HMGCLL1: variants seen among roughly 807,000 people sequenced by gnomAD.
HMGCLL1 encodes the protein 3-hydroxy-3-methylglutaryl-CoA lyase like 1.
Under a neutral mutation model 39.1 loss-of-function variants are expected in HMGCLL1, and 36 were observed. The observed-to-expected ratio is 0.92, with a 90% confidence interval of 0.71 to 1.22. The LOEUF (loss-of-function observed/expected upper bound fraction) is 1.22, where lower values mean the gene tolerates loss of function less well. HMGCLL1 is among the 50% of genes most tolerant of loss of function. HMGCLL1 has a pLI of 0.00. For missense variants in HMGCLL1, 451 were observed against 416.5 expected (o/e 1.08, Z -0.72); for synonymous variants, 149 against 144.0 (o/e 1.03, Z -0.25).
intron 1 of HMGCLL1, among the ~76,000 whole-genome samples, chr6:55,543,461 CAT>C (rs370118362): frequency 0.012 from 1,136 of 91,072 alleles, 45 homozygotes; most frequent in African/African-American, 0.045. Flanking sequence ...TGATATATAT[CAT>C]ATATATCATA....
the HMGCLL1 span, among the ~76,000 whole-genome samples, chr6:55,588,961 G>A: frequency 1.4e-5 from 2 of 147,750 alleles, no homozygotes; most frequent in Admixed American, 6.8e-5. Context: ...ATTCACAGCC[G>A]AATTCTACCA....
chr6:55,438,214 G>T (rs559780420), intron 8 of HMGCLL1, among the ~76,000 whole-genome samples: 9 of 152,042 alleles, frequency 5.9e-5, no homozygotes, highest in Non-Finnish European at 1.2e-4. Flanking sequence ...CGATGTAAAT[G>T]AAATAACATT....
intron 3 of HMGCLL1, among the ~76,000 whole-genome samples, chr6:55,520,263 A>AATAT (rs1428052291): frequency 6.7e-6 from 1 of 150,252 alleles, no homozygotes; most frequent in Non-Finnish European, 1.5e-5. Context: ...TAAATAAATA[A>AATAT]ATAAATAAAT....
At chr6:55,543,497 CAT>C (rs376476248) in intron 1 of HMGCLL1, among the ~76,000 whole-genome samples, 2,577 of 14,680 alleles carry the variant, frequency 0.18, 95 homozygotes, top group African/African-American at 0.2. Context: ...TGATATATAT[CAT>C]ATATATCATA....
intron 5 of HMGCLL1, among the ~76,000 whole-genome samples, chr6:55,501,678 T>C (rs1413619984): frequency 6.6e-6 from 1 of 151,894 alleles, no homozygotes; most frequent in Non-Finnish European, 1.5e-5. Flanking sequence ...ATGCTTAGGA[T>C]ATGTTCCAAA....
In HMGCLL1 at chr6:55,542,863, ATATATTTT is replaced by A. The variant is rs1218447319; in HGVS notation, c.109-731_109-724del. 1.1e-4 allele frequency among the ~76,000 whole-genome samples: 15 copies of A among 136,518 alleles called. 1 individual carries two copies. The highest frequency in any genetic ancestry group is 3.0e-4 in the African/African-American group (11 of 36,646). 89.6% of individuals were successfully genotyped at this position (136,518 alleles called of 152,430 possible). On this transcript the variant is annotated intron_variant, in intron 1 of 8. Coordinates refer to ENST00000274901, the MANE Select transcript of HMGCLL1 (RefSeq NM_001042406.2). ...ATTATATATAAATATATATATATTTATATATTTTTATATTTTTATATATTTATATATTT... is the reference window on the plus strand; with the variant it reads ...ATTATATATAAATATATATATATTTATATATTTTTATATATTTATATATTT...
At chr6:55,467,534 T>G (rs1174392004) in intron 7 of HMGCLL1, among the ~76,000 whole-genome samples, 1 of 152,028 alleles carries the variant, frequency 6.6e-6, no homozygotes, top group Non-Finnish European at 1.5e-5. Flanking sequence ...CTTCTGAATT[T>G]TAAATCACTT....
the HMGCLL1 span, among the ~76,000 whole-genome samples, chr6:55,611,095 G>A: frequency 2.6e-5 from 4 of 152,076 alleles, no homozygotes; most frequent in African/African-American, 9.7e-5. Context: ...TAAAACTCAA[G>A]ATTAAGAAAC....
chr6:55,494,032 C>T (rs923985889), intron 7 of HMGCLL1, among the ~76,000 whole-genome samples: 10 of 152,198 alleles, frequency 6.6e-5, no homozygotes, highest in African/African-American at 2.4e-4. Flanking sequence ...GCCACCGCGC[C>T]TGGCCCCTTC....
chr6:55,642,420 A>G, the HMGCLL1 span, among the ~76,000 whole-genome samples: 27 of 152,122 alleles, frequency 1.8e-4, no homozygotes, highest in African/African-American at 6.3e-4. Flanking sequence ...AATAATATAA[A>G]ATTATGAGTC....
At chr6:55,469,442 C>A in intron 7 of HMGCLL1, among the ~76,000 whole-genome samples, 1 of 141,148 alleles carries the variant, frequency 7.1e-6, no homozygotes. Context: ...AGTATATATA[C>A]ATATATATGT....
chr6:55,530,953 T>C (rs916193517), intron 3 of HMGCLL1, among the ~76,000 whole-genome samples: 4 of 152,194 alleles, frequency 2.6e-5, no homozygotes, highest in Non-Finnish European at 5.9e-5. Flanking sequence ...ATAACTGCTA[T>C]GATATGTTTC....
rs79436087 is a variant in HMGCLL1, at chr6:55,496,427, T to C, written c.607-820A>G. Among the ~76,000 whole-genome samples, 318 of 152,262 alleles carry C rather than the reference T, an allele frequency of 2.1e-3. 3 individuals carry two copies. Among genetic ancestry groups the C allele is most frequent in the East Asian group, 6.8e-3 (35 of 5,176 alleles). On this transcript the variant is annotated intron_variant, in intron 6 of 8. Coordinates refer to ENST00000274901, the MANE Select transcript of HMGCLL1 (RefSeq NM_001042406.2). The stretch of plus-strand genomic sequence containing the variant: ...AATCATAACTGCATAAAATTAATTA[T>C]AGTACATACTGAACTATTGTAATAA...
intron 4 of HMGCLL1, among the ~76,000 whole-genome samples, 174 bp downstream of exon 4, chr6:55,516,334 C>T (rs1365486766): frequency 1.3e-5 from 2 of 152,194 alleles, no homozygotes; most frequent in East Asian, 3.9e-4. Context: ...GGTATATAGA[C>T]CACTTTAGTC....
chr6:55,649,759 T>A, the HMGCLL1 span, among the ~76,000 whole-genome samples: 1 of 151,862 alleles, frequency 6.6e-6, no homozygotes, highest in African/African-American at 2.4e-5. Context: ...CTTGGTATGC[T>A]TCATTTGTTT....
At chr6:55,642,848 G>T in the HMGCLL1 span, among the ~76,000 whole-genome samples, 2 of 151,800 alleles carry the variant, frequency 1.3e-5, no homozygotes, top group Admixed American at 1.3e-4. Flanking sequence ...GTGTTAATAT[G>T]TACTCATCAT....
chr6:55,541,270 C>T (rs1047682861), intron 3 of HMGCLL1, among the ~76,000 whole-genome samples: 3 of 152,042 alleles, frequency 2.0e-5, no homozygotes, highest in African/African-American at 4.8e-5. Flanking sequence ...ATGACGTATC[C>T]CTGTTGCAAA....
At chr6:55,505,876 A>G (rs1304244784) in intron 5 of HMGCLL1, among the ~76,000 whole-genome samples, 1 of 151,756 alleles carries the variant, frequency 6.6e-6, no homozygotes, top group Non-Finnish European at 1.5e-5. Context: ...AACCTCCTTC[A>G]GCAATTCATC....
chr6:55,646,238 T>C, the HMGCLL1 span, among the ~76,000 whole-genome samples: 4 of 152,008 alleles, frequency 2.6e-5, no homozygotes, highest in Admixed American at 2.0e-4. Flanking sequence ...TTAGGTGTAA[T>C]GGCTCCTTTT....
Sources: allele counts gnomAD v4.1 joint callset (sites outside exome capture counted in the v4.1 genomes callset), GRCh38; gene constraint gnomAD v4.1.1; transcripts MANE v1.5; gene names NCBI Gene and HGNC (gene_info 2026-07-23, HGNC 2026-07-21).